GALM: variants seen among roughly 807,000 people sequenced by gnomAD.
The protein encoded by GALM is galactose mutarotase, also known as aldose 1-epimerase.
In GALM, 43 loss-of-function variants were observed where a neutral mutation model predicts 37.4. The ratio of observed to expected loss-of-function variants is 1.15; its 90% CI spans 0.90 to 1.48. The LOEUF (loss-of-function observed/expected upper bound fraction) is 1.48, where lower values mean the gene tolerates loss of function less well. GALM is among the 40% of genes most tolerant of loss of function. The pLI is 0.00. For missense variants in GALM, 456 were observed against 419.1 expected (o/e 1.09, Z -0.77); for synonymous variants, 199 against 170.6 (o/e 1.17, Z -1.30).
At chr2:38,673,055 A>G (rs758253100) in intron 1 of GALM, among the ~76,000 whole-genome samples, 9 of 152,328 alleles carry the variant, frequency 5.9e-5, no homozygotes, top group Non-Finnish European at 1.2e-4. Flanking sequence ...ATGATAGTCA[A>G]TGGGCAACAC....
At chr2:38,713,496 G>A (rs73930947) in intron 4 of GALM, among the ~76,000 whole-genome samples, 1,872 of 152,218 alleles carry the variant, frequency 0.012, 28 homozygotes, top group African/African-American at 0.034. Flanking sequence ...AGCCAGAAAC[G>A]GGAAGTGTCT....
intron 2 of GALM, among the ~76,000 whole-genome samples, chr2:38,676,911 T>C (rs1665272966): frequency 6.6e-6 from 1 of 152,260 alleles, no homozygotes; most frequent in Non-Finnish European, 1.5e-5. Context: ...CATGCTTCCC[T>C]GTACCTGTCA....
intron 1 of GALM, among the ~76,000 whole-genome samples, chr2:38,672,556 G>T (rs561285225): frequency 6.6e-6 from 1 of 152,128 alleles, no homozygotes; most frequent in Non-Finnish European, 1.5e-5. Flanking sequence ...TGATACTGAA[G>T]AACATGGACT....
chr2:38,669,848 G>A (rs1377518217), intron 1 of GALM, among the ~76,000 whole-genome samples: 2 of 151,522 alleles, frequency 1.3e-5, no homozygotes, highest in African/African-American at 4.8e-5. Flanking sequence ...ACTCCAGCCT[G>A]GTGACAAAGC....
chr2:38,687,185 C>T (rs1181765347), intron 3 of GALM, among the ~76,000 whole-genome samples: 1 of 152,226 alleles, frequency 6.6e-6, no homozygotes, highest in Non-Finnish European at 1.5e-5. Flanking sequence ...CTGGCACCAC[C>T]CTGAGGCATG....
intron 1 of GALM, among the ~76,000 whole-genome samples, chr2:38,675,553 GT>G (rs1665237573): frequency 1.2e-5 from 1 of 82,638 alleles, no homozygotes; most frequent in Non-Finnish European, 2.2e-5. Flanking sequence ...TTGTGTGTGT[GT>G]GTGTGTGTGT....
chr2:38,690,306 AT>A (rs1201234372), intron 4 of GALM, among the ~76,000 whole-genome samples: 6 of 151,298 alleles, frequency 4.0e-5, no homozygotes, highest in East Asian at 1.9e-4. Flanking sequence ...ACCCCGTCTT[AT>A]TTTTTTTTAA....
intron 1 of GALM, among the ~76,000 whole-genome samples, chr2:38,670,349 C>T (rs1470216813): frequency 6.6e-6 from 1 of 152,052 alleles, no homozygotes; most frequent in Non-Finnish European, 1.5e-5. Context: ...CCATGAGAGG[C>T]ATTAAGGAAA....
At chr2:38,730,025 T>C (rs1294244563) in intron 5 of GALM, among the ~76,000 whole-genome samples, 1 of 152,158 alleles carries the variant, frequency 6.6e-6, no homozygotes, top group African/African-American at 2.4e-5. Context: ...AGAGCCTTTG[T>C]GCTTTCTCGA....
At chr2:38,721,731 G>C (rs1445039198) in intron 4 of GALM, among the ~76,000 whole-genome samples, 2 of 152,036 alleles carry the variant, frequency 1.3e-5, no homozygotes, top group Non-Finnish European at 2.9e-5. Context: ...GCCCAGGTTG[G>C]TCTTGAACTC....
chr2:38,733,983 T>G lies in GALM; in HGVS notation c.*418T>G. On this transcript the variant is annotated 3_prime_UTR_variant, in exon 7 of 7. Coordinates refer to ENST00000272252, the MANE Select transcript of GALM (RefSeq NM_138801.3). ...CCACTGTCAGCAGCACTCTGGAGTT[T>G]TCAAATGTCACATTAGCCTCACCCT... 1 of 268,278 alleles carries G rather than the reference T, an allele frequency of 3.7e-6. No individual in the cohort carries two copies. The allele number at this position is 268,278 out of a possible 1,614,324, so 16.6% of individuals were successfully genotyped here.
At chr2:38,667,845 A>T (rs541803966) in intron 1 of GALM, among the ~76,000 whole-genome samples, 33 of 152,318 alleles carry the variant, frequency 2.2e-4, no homozygotes, top group African/African-American at 7.9e-4. Context: ...TCAAAAAAAT[A>T]AAAATATACT....
chr2:38,730,005 C>T (rs1306563064), intron 5 of GALM, among the ~76,000 whole-genome samples: 1 of 152,172 alleles, frequency 6.6e-6, no homozygotes, highest in Non-Finnish European at 1.5e-5. Flanking sequence ...TCGGCTGTCA[C>T]TGAACTTCCA....
chr2:38,667,975 A>C (rs1173227098), intron 1 of GALM, among the ~76,000 whole-genome samples: 1 of 152,210 alleles, frequency 6.6e-6, no homozygotes, highest in East Asian at 1.9e-4. Flanking sequence ...GGCCAAGAAA[A>C]ATCTGAACAC....
chr2:38,716,510 C>T (rs936684688), intron 4 of GALM, among the ~76,000 whole-genome samples: 2 of 152,172 alleles, frequency 1.3e-5, no homozygotes, highest in African/African-American at 4.8e-5. Flanking sequence ...GGATTCTTAG[C>T]CAGGGATGCA....
At chr2:38,726,666 T>C (rs1044615828) in intron 4 of GALM, among the ~76,000 whole-genome samples, 1 of 151,932 alleles carries the variant, frequency 6.6e-6, no homozygotes, top group Non-Finnish European at 1.5e-5. Context: ...TCCCAGCACT[T>C]TGGGAGGCCG....
intron 4 of GALM, among the ~76,000 whole-genome samples, chr2:38,693,299 A>T (rs895579198): frequency 6.6e-6 from 1 of 152,172 alleles, no homozygotes; most frequent in African/African-American, 2.4e-5. Flanking sequence ...CCTGGCTAAC[A>T]TGGTGAAACC....
intron 3 of GALM, among the ~76,000 whole-genome samples, chr2:38,686,441 A>C (rs1489245273): frequency 6.6e-6 from 1 of 151,214 alleles, no homozygotes; most frequent in Non-Finnish European, 1.5e-5. Flanking sequence ...ACTTTTTTGT[A>C]TTTTTAGTAG....
intron 3 of GALM, among the ~76,000 whole-genome samples, chr2:38,685,039 A>G (rs1665488198): frequency 1.3e-5 from 2 of 152,062 alleles, no homozygotes; most frequent in Non-Finnish European, 2.9e-5. Context: ...ACCTCCTCAT[A>G]TAGTCACATC....
Sources: allele counts gnomAD v4.1 joint callset (sites outside exome capture counted in the v4.1 genomes callset), GRCh38; gene constraint gnomAD v4.1.1; transcripts MANE v1.5; gene names NCBI Gene and HGNC (gene_info 2026-07-23, HGNC 2026-07-21).